CRISP1: variants seen among roughly 807,000 people sequenced by gnomAD.
CRISP1 encodes the protein cysteine rich secretory protein 1.
A neutral mutation model predicts 33.1 loss-of-function variants in CRISP1; 44 were observed. That is an observed-to-expected ratio of 1.33 (90% confidence interval 1.05 to 1.71). The LOEUF (loss-of-function observed/expected upper bound fraction) is 1.71, where lower values mean the gene tolerates loss of function less well. Among genes scored for constraint, CRISP1 ranks in the 40% most tolerant of loss-of-function variants. The pLI is 0.00. For synonymous variants in CRISP1, 103 were observed against 98.7 expected (o/e 1.04, Z -0.26); for missense variants, 390 against 301.2 (o/e 1.29, Z -2.18).
At chr6:49,853,546 A>G (rs919367170) in intron 2 of CRISP1, among the ~76,000 whole-genome samples, 2 of 152,124 alleles carry the variant, frequency 1.3e-5, no homozygotes, top group African/African-American at 4.8e-5. Flanking sequence ...CACCTACTAT[A>G]TCTCATGATC....
chr6:49,845,182 C>T (rs570877785), intron 5 of CRISP1, among the ~76,000 whole-genome samples: 64 of 152,212 alleles, frequency 4.2e-4, no homozygotes, highest in African/African-American at 1.2e-3. Context: ...TAAAGTCATA[C>T]GACTTGGGCC....
chr6:49,843,679 G>T (rs1433362360), intron 5 of CRISP1, among the ~76,000 whole-genome samples: 1 of 152,194 alleles, frequency 6.6e-6, no homozygotes, highest in East Asian at 1.9e-4. Context: ...CTGAGATGCT[G>T]CTTCAACAAA....
intron 1 of CRISP1, among the ~76,000 whole-genome samples, chr6:49,861,530 C>T (rs1421819539): frequency 6.6e-6 from 1 of 152,010 alleles, no homozygotes; most frequent in Admixed American, 6.6e-5. Context: ...TCCTTAAAAG[C>T]ATTTGATAAA....
At chr6:49,848,988 A>G (rs1057118677) in intron 3 of CRISP1, among the ~76,000 whole-genome samples, 9 of 152,272 alleles carry the variant, frequency 5.9e-5, no homozygotes, top group Non-Finnish European at 1.2e-4. Context: ...CACACTATAA[A>G]TAACTGACAA....
In CRISP1 at chr6:49,846,525, T is replaced by A; in HGVS notation, c.430A>T (p.Thr144Ser). Residue 144 changes from threonine to serine, a missense_variant, in exon 5 of 8, where the codon ACT becomes TCT. Coordinates refer to ENST00000335847, the MANE Select transcript of CRISP1 (RefSeq NM_001131.3). ...TTTGCCAGCACACAGGTTACCTGAG[T>A]GTAGTGGTCAGTAGTTATGTCATCA... ...TDDDITTDHY[T>S]QIVWATSYLI... 1.2e-6 allele frequency: 2 copies of A among 1,612,842 alleles called. No homozygotes were observed. The highest frequency in any genetic ancestry group is 1.7e-6 in the Non-Finnish European group (2 of 1,179,322).
At position 49,838,455 on chromosome 6, in the gene CRISP1, A is replaced by G. The variant is rs1204568373; in HGVS notation, c.604T>C (p.Cys202Arg). ...GVPCEACPSN[C>R]EDKLCTNPCI... ...AACTTACTGCAAAGTTTGTCTTCAC[A>G]GTTACTTGGGCAGGCTTCACATGGG... The change falls in exon 7 of 8, where the codon TGT (cysteine) becomes CGT (arginine). Residue 202 changes from cysteine to arginine, a missense_variant. Transcript: ENST00000335847. 4 of 1,613,030 alleles carry G rather than the reference A, an allele frequency of 2.5e-6. No homozygotes were observed. Among genetic ancestry groups the G allele is most frequent in the East Asian group, 2.2e-5 (1 of 44,830 alleles).
intron 7 of CRISP1, among the ~76,000 whole-genome samples, chr6:49,837,441 AT>A (rs76174671): frequency 0.13 from 17,788 of 136,964 alleles, 1,235 homozygotes; most frequent in Non-Finnish European, 0.18. Flanking sequence ...TAACTGGTTG[AT>A]TTTTTTTTTT....
chr6:49,837,632 C>A (rs1051478252), intron 7 of CRISP1, among the ~76,000 whole-genome samples: 3 of 152,018 alleles, frequency 2.0e-5, no homozygotes, highest in African/African-American at 7.2e-5. Flanking sequence ...TTCTTTCTTA[C>A]TTTAAAAGAC....
chr6:49,845,041 G>C (rs1447847377), intron 5 of CRISP1, among the ~76,000 whole-genome samples: 3 of 152,124 alleles, frequency 2.0e-5, no homozygotes, highest in Non-Finnish European at 4.4e-5. Context: ...AAATAAATTT[G>C]TTGGGGAGGG....
chr6:49,865,853 CAG>C (rs1771787472), intron 1 of CRISP1, among the ~76,000 whole-genome samples: 1 of 152,162 alleles, frequency 6.6e-6, no homozygotes, highest in South Asian at 2.1e-4. Context: ...GAAGTTTGGA[CAG>C]CTTAAAATCC....
rs554003100 is a variant in CRISP1 at position 49,875,445 on chromosome 6, A to T, written c.-3+1564T>A. On this transcript the variant is annotated intron_variant, in intron 1 of 7. Transcript: ENST00000505118. ...TATTCCATGCTCATGGATAGGAAGAATCGATATTGTGAAAATGGATATACT... is the reference window on the plus strand; with the variant it reads ...TATTCCATGCTCATGGATAGGAAGATTCGATATTGTGAAAATGGATATACT... Among the ~76,000 whole-genome samples the T allele has an allele frequency of 7.2e-5, 11 of 152,292 alleles. No individual in the cohort carries two copies. In the South Asian group the frequency reaches 1.4e-3, roughly 20 times the overall value.
chr6:49,857,523 ATCCG>A, intron 1 of CRISP1, 121 bp from the exon 2 acceptor site: 1 of 838,294 alleles, frequency 1.2e-6, no homozygotes. Context: ...AACCTTTAGG[ATCCG>A]AACAAGGTTT....
At chr6:49,861,801 C>T (rs1771661248) in intron 1 of CRISP1, among the ~76,000 whole-genome samples, 1 of 152,034 alleles carries the variant, frequency 6.6e-6, no homozygotes, top group African/African-American at 2.4e-5. Flanking sequence ...GGGAGAATCA[C>T]TTGAACCCAG....
intron 1 of CRISP1, among the ~76,000 whole-genome samples, chr6:49,872,284 T>A (rs1427369268): frequency 6.6e-6 from 1 of 151,934 alleles, no homozygotes; most frequent in Non-Finnish European, 1.5e-5. Flanking sequence ...GAGTTCATTG[T>A]AGATTCTGGA....
At chr6:49,837,476 T>G (rs1770838539) in intron 7 of CRISP1, among the ~76,000 whole-genome samples, 1 of 151,716 alleles carries the variant, frequency 6.6e-6, no homozygotes, top group Non-Finnish European at 1.5e-5. Flanking sequence ...GAGGAATCTC[T>G]CTCCATCTAC....
chr6:49,866,161 G>A (rs536287124), intron 1 of CRISP1, among the ~76,000 whole-genome samples: 1 of 152,018 alleles, frequency 6.6e-6, no homozygotes, highest in African/African-American at 2.4e-5. Flanking sequence ...TTGTCCCTAC[G>A]TGAAAAAATG....
intron 6 of CRISP1, 91 bp from the exon 7 acceptor site, chr6:49,838,616 A>G: frequency 1.2e-6 from 1 of 863,314 alleles, no homozygotes; most frequent in South Asian, 1.7e-5. Flanking sequence ...TTAAAAACAA[A>G]TTGTGTAAAC....
intron 6 of CRISP1, among the ~76,000 whole-genome samples, chr6:49,839,676 C>T (rs191130648): frequency 1.3e-5 from 2 of 152,296 alleles, no homozygotes; most frequent in African/African-American, 2.4e-5. Context: ...GACTAATCTT[C>T]AACCAAGAAA....
chr6:49,849,869 G>C (rs1048521289), intron 3 of CRISP1, among the ~76,000 whole-genome samples: 1 of 150,828 alleles, frequency 6.6e-6, no homozygotes, highest in African/African-American at 2.4e-5. Flanking sequence ...TGTAGGTTTT[G>C]ATAGTTTCAA....
Sources: allele counts gnomAD v4.1 joint callset (sites outside exome capture counted in the v4.1 genomes callset), GRCh38; gene constraint gnomAD v4.1.1; transcripts MANE v1.5; gene names NCBI Gene and HGNC (gene_info 2026-07-23, HGNC 2026-07-21).